The following AP2M1 variants were observed in gnomAD, a reference collection of about 807,000 sequenced individuals.
The protein encoded by AP2M1 is adaptor related protein complex 2 subunit mu 1, also known as AP-2 complex subunit mu.
A neutral mutation model predicts 54.5 loss-of-function variants in AP2M1; 5 were observed. The observed-to-expected ratio is 0.09, with a 90% CI of 0.05 to 0.19. The LOEUF (loss-of-function observed/expected upper bound fraction) is 0.19. Among genes scored for constraint, AP2M1 ranks in the 10% least tolerant of loss-of-function variants. AP2M1 has a pLI of 1.00. For missense variants in AP2M1, 178 were observed against 580.2 expected (o/e 0.31, Z 7.12); for synonymous variants, 186 against 208.2 (o/e 0.89, Z 0.92).
chr3:184,180,151 G>T lies in AP2M1; in HGVS notation c.341-18G>T, dbSNP rs1368926753. ...AAGAAGCTCTGTCCAGGGGCTGATG[G>T]TTCCCTTCTTTTTGCAGAGATTCTA... On this transcript the variant is annotated intron_variant, in intron 3 of 11. Transcript: ENST00000292807. The surrounding 1 kb of genome is among the most constrained non-coding windows in gnomAD (Gnocchi z 4.9). 1.9e-6 allele frequency: 3 copies of T among 1,613,740 alleles called. No individual in the cohort carries two copies. Among genetic ancestry groups the T allele is most frequent in the Non-Finnish European group, 2.5e-6 (3 of 1,179,664 alleles).
intron 2 of AP2M1, chr3:184,177,473 C>G (rs1223672412): frequency 7.0e-7 from 1 of 1,424,314 alleles, no homozygotes; most frequent in Non-Finnish European, 9.6e-7. Flanking sequence ...CTTCCCATAT[C>G]AAACGCCTTC....
chr3:184,177,740 T>C (rs994718940), intron 2 of AP2M1: 9 of 883,638 alleles, frequency 1.0e-5, no homozygotes, highest in Middle Eastern at 3.3e-4. Context: ...TGCGCCCCCT[T>C]GCACGCCCTT....
chr3:184,178,122 C>G lies in AP2M1; in HGVS notation c.75-735C>G. 7.1e-7 allele frequency: 1 copy of G among 1,415,618 alleles called. No homozygotes were observed. The highest frequency in any genetic ancestry group is 2.5e-5 in the East Asian group (1 of 40,282). The allele number at this position is 1,415,618 out of a possible 1,614,324, so 87.7% of individuals were successfully genotyped here. A position where few individuals can be genotyped will look rare whatever the true frequency, so the allele number is the denominator to read the frequency against. ...CTGCCTCACGGTGTGTGCCGCCCTC[C>G]CGGTGTGTTGTGTGTCTAACCCTCT... On this transcript the variant is annotated intron_variant, in intron 2 of 11. Coordinates refer to ENST00000292807, the MANE Select transcript of AP2M1 (RefSeq NM_004068.4). The surrounding 1 kb of genome is among the most constrained non-coding windows in gnomAD (Gnocchi z 4.9).
rs1715305645 is a variant in AP2M1 at position 184,182,464 on chromosome 3, AT to A, written c.1061+219del. On this transcript the variant is annotated intron_variant, in intron 10 of 11. Transcript: ENST00000292807. This position sits in a 1 kb window ranked among gnomAD's most constrained non-coding sequence, Gnocchi z 5.5. ...TGCTTATTTTTTAAGATGCTTTGGC[AT>A]TTCCCTTTGTAATGTATACATTACA... Among the ~76,000 whole-genome samples the A allele has an allele frequency of 1.3e-5, 2 of 152,012 alleles. No individual in the cohort carries two copies. The highest frequency in any genetic ancestry group is 2.9e-5 in the Non-Finnish European group (2 of 68,010).
intron 1 of AP2M1, among the ~76,000 whole-genome samples, chr3:184,175,566 G>T (rs1715043728): frequency 6.6e-6 from 1 of 152,124 alleles, no homozygotes; most frequent in Non-Finnish European, 1.5e-5. Flanking sequence ...CAGTTCCCCC[G>T]GCCGGTTTTT....
rs371743296 is a variant in AP2M1, at chr3:184,175,861, G to C, written c.-44+902G>C. Among the ~76,000 whole-genome samples, 120 of 152,270 alleles carry C rather than the reference G, an allele frequency of 7.9e-4. No homozygotes were observed. In the Middle Eastern group the frequency reaches 0.02, roughly 26 times the overall value. ...TGTTTGGGACTGAGGGATGGGATGA[G>C]TCCACCACCTTGAGAGACCGCTCAC... On this transcript the variant is annotated intron_variant, in intron 1 of 11. Transcript: ENST00000292807.
rs751459038 is a variant in AP2M1 at position 184,183,478 on chromosome 3, C to A, written c.1174-4C>A. 1 of 1,614,068 alleles carries A rather than the reference C, an allele frequency of 6.2e-7. No individual in the cohort carries two copies. The highest frequency in any genetic ancestry group is 1.1e-5 in the South Asian group (1 of 91,050). ...CACATTTCTAACTAGCTCTCCTTGC[C>A]CAGGTGCCATTCGCGCCCTCTGGCC... On this transcript the variant is annotated splice_polypyrimidine_tract_variant and splice_region_variant and intron_variant, in intron 11 of 11. Coordinates refer to ENST00000292807, the MANE Select transcript of AP2M1 (RefSeq NM_004068.4). This position sits in a 1 kb window ranked among gnomAD's most constrained non-coding sequence, Gnocchi z 5.7.
Position 184,183,428 on chromosome 3 carries a change from A to C in AP2M1, c.1174-54A>C. ...AGGGCAGGGCAACGGGACTTCCCAG[A>C]GGAGAGCGGCTGTAAGAGGAAGGCC... is the stretch of plus-strand genomic sequence containing the variant. On this transcript the variant is annotated intron_variant, in intron 11 of 11. Transcript: ENST00000292807. The surrounding 1 kb of genome is among the most constrained non-coding windows in gnomAD (Gnocchi z 5.7). 2 of 1,610,542 alleles carry C rather than the reference A, an allele frequency of 1.2e-6. No homozygotes were observed. Among genetic ancestry groups the C allele is most frequent in the South Asian group, 2.2e-5 (2 of 90,798 alleles).
In AP2M1 at chr3:184,183,415, C is replaced by T. The variant is rs1398097610; in HGVS notation, c.1174-67C>T. On this transcript the variant is annotated intron_variant, in intron 11 of 11. Coordinates refer to ENST00000292807, the MANE Select transcript of AP2M1 (RefSeq NM_004068.4). This position sits in a 1 kb window ranked among gnomAD's most constrained non-coding sequence, Gnocchi z 5.7. ...GTAGCGATGAAGTAGGGCAGGGCAA[C>T]GGGACTTCCCAGAGGAGAGCGGCTG... 8 of 1,598,702 alleles carry T rather than the reference C, an allele frequency of 5.0e-6. No homozygotes were observed. Among genetic ancestry groups the T allele is most frequent in the Admixed American group, 3.4e-5 (2 of 58,594 alleles).
In AP2M1 at chr3:184,180,041, C is replaced by A; in HGVS notation, c.341-128C>A. The A allele has an allele frequency of 1.3e-6, 1 of 766,114 alleles. No homozygotes were observed. Among genetic ancestry groups the A allele is most frequent in the South Asian group, 1.7e-5 (1 of 59,476 alleles). 47.5% of individuals were successfully genotyped at this position (766,114 alleles called of 1,614,324 possible). On this transcript the variant is annotated intron_variant, in intron 3 of 11. Coordinates refer to ENST00000292807, the MANE Select transcript of AP2M1 (RefSeq NM_004068.4). This position sits in a 1 kb window ranked among gnomAD's most constrained non-coding sequence, Gnocchi z 4.9. ...AAATCACAGAATAAATGCTACAAAG[C>A]TAGAAGACTTTCTTGCGGATGATCC... is the stretch of plus-strand genomic sequence containing the variant.
intron 2 of AP2M1, chr3:184,177,508 C>A (rs1185115426): frequency 6.6e-7 from 1 of 1,526,564 alleles, no homozygotes; most frequent in East Asian, 2.5e-5. Context: ...AAAGCCCCTC[C>A]AGGCTGCCCA....
chr3:184,176,668 T>C, intron 1 of AP2M1: 1 of 428,876 alleles, frequency 2.3e-6, no homozygotes, highest in Non-Finnish European at 4.1e-6. Flanking sequence ...AGCTCAGTGC[T>C]GGGGAGAGGG....
chr3:184,181,100 C>A lies in AP2M1; in HGVS notation c.581C>A (p.Ala194Asp). Residue 194 changes from alanine (A) to aspartate (D), a missense_variant, in exon 7 of 12, where the codon GCC becomes GAC. Physicochemically the swap from Ala to Asp is moderately radical, Grantham distance 126. Around this residue, in one of 5 missense-constraint regions of AP2M1, gnomAD observed 115 missense variants for 331.2 expected, o/e 0.35. Transcript: ENST00000292807. The surrounding 1 kb of genome is among the most constrained non-coding windows in gnomAD (Gnocchi z 5.7). ...CCATCACCAGGGCAGGTGCTGAGTG[C>A]CCATGTGTCGGGCCGGGTGGTGATG... is the stretch of plus-strand genomic sequence containing the variant. ...LMSPQGQVLS[A>D]HVSGRVVMKS... 6.2e-7 allele frequency: 1 copy of A among 1,614,182 alleles called. No homozygotes were observed. The highest frequency in any genetic ancestry group is 1.7e-5 in the Admixed American group (1 of 60,020).
Position 184,177,006 on chromosome 3 carries a change from T to G in AP2M1, c.13T>G (p.Leu5Val). MIGGLFIYNHKGEVL... is the reference protein window; with the variant it reads MIGGVFIYNHKGEVL... ...CTGATCTGCCGCCATGATTGGAGGC[T>G]TATTCATCTATAATCACAAGGGGGA... The change falls in exon 2 of 12, where the codon TTA becomes GTA. Residue 5 changes from leucine (L) to valine (V), a missense_variant. By Grantham distance (32) the Leu-to-Val change is conservative. Transcript: ENST00000292807. 1 of 1,613,890 alleles carries G rather than the reference T, an allele frequency of 6.2e-7. No individual in the cohort carries two copies. Among genetic ancestry groups the G allele is most frequent in the Non-Finnish European group, 8.5e-7 (1 of 1,179,940 alleles).
chr3:184,183,459 T>A lies in AP2M1; in HGVS notation c.1174-23T>A, dbSNP rs1204751095. 1 of 1,613,646 alleles carries A rather than the reference T, an allele frequency of 6.2e-7. No homozygotes were observed. Among genetic ancestry groups the A allele is most frequent in the Admixed American group, 1.7e-5 (1 of 59,988 alleles). On this transcript the variant is annotated intron_variant, in intron 11 of 11. Transcript: ENST00000292807. The surrounding 1 kb of genome is among the most constrained non-coding windows in gnomAD (Gnocchi z 5.7). ...GCGGCTGTAAGAGGAAGGCCACATT[T>A]CTAACTAGCTCTCCTTGCCCAGGTG...
chr3:184,182,640 T>C lies in AP2M1; in HGVS notation c.1062-117T>C. 1 of 806,222 alleles carries C rather than the reference T, an allele frequency of 1.2e-6. No individual in the cohort carries two copies. Among genetic ancestry groups the C allele is most frequent in the Non-Finnish European group, 2.0e-6 (1 of 497,820 alleles). The allele number at this position is 806,222 out of a possible 1,614,324, so 49.9% of individuals were successfully genotyped here. A position where few individuals can be genotyped will look rare whatever the true frequency, so the allele number is the denominator to read the frequency against. ...AGTGGTTAGCAGGGTCCTGACCACT[T>C]CTCCTTGTTCTGGCACCTCCTGCAA... is the stretch of plus-strand genomic sequence containing the variant. On this transcript the variant is annotated intron_variant, in intron 10 of 11. Transcript: ENST00000292807. The surrounding 1 kb of genome is among the most constrained non-coding windows in gnomAD (Gnocchi z 5.5).
Position 184,182,377 on chromosome 3 carries a change from G to A in AP2M1, c.1061+129G>A. On this transcript the variant is annotated intron_variant, in intron 10 of 11. Transcript: ENST00000292807. The surrounding 1 kb of genome is among the most constrained non-coding windows in gnomAD (Gnocchi z 5.5). ...TTTGCTTTTCTAGGAGCCTCTGCTT[G>A]TACTGTCAGTCTTTATACCTCCATG... 2 of 980,662 alleles carry A rather than the reference G, an allele frequency of 2.0e-6. No homozygotes were observed. Among genetic ancestry groups the A allele is most frequent in the South Asian group, 1.6e-5 (1 of 60,640 alleles). The allele number at this position is 980,662 out of a possible 1,614,324, so 60.7% of individuals were successfully genotyped here.
At chr3:184,179,540 G>C (rs2109030020) in intron 3 of AP2M1, among the ~76,000 whole-genome samples, 1 of 152,244 alleles carries the variant, frequency 6.6e-6, no homozygotes, top group East Asian at 1.9e-4. Flanking sequence ...TTCCTCTGTA[G>C]AGTGTGATCT....
In AP2M1 at chr3:184,176,819, G is replaced by A. The variant is rs2231212; in HGVS notation, c.-43-132G>A. The A allele has an allele frequency of 4.0e-4, 223 of 561,790 alleles. No homozygotes were observed. In the African/African-American group the frequency reaches 4.1e-3, roughly 10 times the overall value. The allele number at this position is 561,790 out of a possible 1,614,324, so 34.8% of individuals were successfully genotyped here. On this transcript the variant is annotated intron_variant, in intron 1 of 11. Transcript: ENST00000292807. ...GGAGCCTGGCTGAGGGGAGGGGCAT[G>A]TCTGGGAGGGCTGCAGGGTCACTTA... is the stretch of plus-strand genomic sequence containing the variant.
Sources: gnomAD v4.1 joint callset for allele counts (sites outside exome capture counted in the v4.1 genomes callset) on GRCh38, gnomAD v4.1.1 for gene constraint, gnomAD v4.1.1 regional missense constraint, Gnocchi (gnomAD v3.1) non-coding constraint, MANE v1.5 for transcripts, NCBI Gene and HGNC (gene_info 2026-07-23, HGNC 2026-07-21) for gene names.